SLC39A4: variants seen among roughly 807,000 people sequenced by gnomAD.
The protein encoded by SLC39A4 is zinc transporter ZIP4.
A neutral mutation model predicts 56.6 loss-of-function variants in SLC39A4; 49 were observed. That is an observed-to-expected ratio of 0.87 (90% CI 0.69 to 1.10). SLC39A4 has a LOEUF of 1.10. Among genes scored for constraint, SLC39A4 ranks in the 50% least tolerant of loss-of-function variants. The pLI, the probability that SLC39A4 is intolerant of heterozygous loss-of-function variation, is 0.00. For missense variants in SLC39A4, 993 were observed against 864.2 expected (o/e 1.15, Z -1.87); for synonymous variants, 540 against 420.4 (o/e 1.28, Z -3.48).
rs1163926081 is a variant in SLC39A4, at chr8:144,412,438, G to A, written c.*100C>T. 1 of 1,585,064 alleles carries A rather than the reference G, an allele frequency of 6.3e-7. No individual in the cohort carries two copies. Among genetic ancestry groups the A allele is most frequent in the Admixed American group, 1.7e-5 (1 of 59,728 alleles). On this transcript the variant is annotated 3_prime_UTR_variant, in exon 12 of 12. Transcript: ENST00000301305. Reference sequence around the variant, plus strand: ...CTCCAAGGACAAGAGTGTCTTTACTGGAGTTGGGACTGGGGCCTCTATAGG... The same window carrying A: ...CTCCAAGGACAAGAGTGTCTTTACTAGAGTTGGGACTGGGGCCTCTATAGG...
chr8:144,415,880 G>A lies in SLC39A4; in HGVS notation c.404C>T (p.Ala135Val). ...HLLALLESPK[A>V]LTPGLSWLLQ... is the part of the protein sequence containing the mutation. Reference sequence around the variant, plus strand: ...CAGCCAGCTCAGGCCCGGGGTCAGGGCCTTGGGGCTCTCGAGCAGGGCCAG... The same window carrying A: ...CAGCCAGCTCAGGCCCGGGGTCAGGACCTTGGGGCTCTCGAGCAGGGCCAG... The change falls in exon 2 of 12, where the codon GCC (alanine) becomes GTC (valine). Residue 135 changes from alanine (A) to valine (V), a missense_variant. Coordinates refer to ENST00000301305, the MANE Select transcript of SLC39A4 (RefSeq NM_130849.4). 1 of 1,597,622 alleles carries A rather than the reference G, an allele frequency of 6.3e-7. No individual in the cohort carries two copies. The highest frequency in any genetic ancestry group is 8.5e-7 in the Non-Finnish European group (1 of 1,175,336).
intron 2 of SLC39A4, 67 bp downstream of exon 2, chr8:144,415,743 G>A (rs1822152259): frequency 1.3e-6 from 2 of 1,502,282 alleles, no homozygotes; most frequent in South Asian, 1.3e-5. Context: ...TTTGCAGCCA[G>A]GCCGGGTCCC....
Position 144,415,931 on chromosome 8 carries a change from A to G in SLC39A4, c.353T>C (p.Leu118Pro). 6.3e-7 allele frequency: 1 copy of G among 1,595,984 alleles called. No individual in the cohort carries two copies. ...EGTCEDARAG[L>P]WASHADHLLA... is the part of the protein sequence containing the mutation. ...GAGGTGGTCTGCATGAGAGGCCCAG[A>G]GGCCAGCCCGAGCGTCCTCACAGGT... The change falls in exon 2 of 12, where the codon CTC becomes CCC. Residue 118 changes from leucine (L) to proline (P), a missense_variant. By Grantham distance (98) the Leu-to-Pro change is moderately conservative (BLOSUM62 -3). Transcript: ENST00000301305.
At position 144,413,248 on chromosome 8, in the gene SLC39A4, G is replaced by A. The variant is rs1821973284; in HGVS notation, c.1616C>T (p.Pro539Leu). The change falls in exon 10 of 12, where the codon CCA becomes CTA. Residue 539 changes from proline (P) to leucine (L), a missense_variant. Coordinates refer to ENST00000301305, the MANE Select transcript of SLC39A4 (RefSeq NM_130849.4). ...TSLAVFCHEL[P>L]HELGDFAALL... ...CCGCCTGCGCTCACCCAGCTCGTGTGGCAACTCGTGGCAGAACACGGCCAG... is the reference window on the plus strand; with the variant it reads ...CCGCCTGCGCTCACCCAGCTCGTGTAGCAACTCGTGGCAGAACACGGCCAG... 2 of 1,585,484 alleles carry A rather than the reference G, an allele frequency of 1.3e-6. No homozygotes were observed. Among genetic ancestry groups the A allele is most frequent in the Non-Finnish European group, 8.5e-7 (1 of 1,170,734 alleles).
In SLC39A4 at chr8:144,414,728, C is replaced by T; in HGVS notation, c.973G>A (p.Glu325Lys). ...CAATGTCGGCGTGGGCACTCACTCT[C>T]TGACTGGCTGAGCTGGTCCTGGACG... Reference protein sequence around the residue: ...PPVQDQLSQSERYLYGSLATL... With the variant: ...PPVQDQLSQSKRYLYGSLATL... The change falls in exon 5 of 12, where the codon GAG becomes AAG. Residue 325 changes from glutamate to lysine, a missense_variant. Transcript: ENST00000301305. 1.2e-6 allele frequency: 2 copies of T among 1,612,796 alleles called. No individual in the cohort carries two copies. The highest frequency in any genetic ancestry group is 4.5e-5 in the East Asian group (2 of 44,886).
At chr8:144,416,577 C>T (rs1554874076) in intron 1 of SLC39A4, 21 bp downstream of exon 1, 1 of 1,558,420 alleles carries the variant, frequency 6.4e-7, no homozygotes. Flanking sequence ...GGCTGGGGGA[C>T]CCGTCGGGTG....
At chr8:144,412,729 C>T (rs1554871885) in intron 11 of SLC39A4, 30 bp downstream of exon 11, 3 of 1,613,316 alleles carry the variant, frequency 1.9e-6, no homozygotes, top group Non-Finnish European at 2.5e-6. Flanking sequence ...GCTCCCGGCC[C>T]AGAGCAGCCC....
At chr8:144,414,176 G>T in intron 6 of SLC39A4, 81 bp from the exon 7 acceptor site, 1 of 1,571,078 alleles carries the variant, frequency 6.4e-7, no homozygotes, top group Admixed American at 1.9e-5. Flanking sequence ...TCAGGAGGTG[G>T]GGTGGGTAAG....
rs368517311 is a variant in SLC39A4 at position 144,416,105 on chromosome 8, C to A, written c.193-14G>T. ...CACAGACAGGCACTGTGGGCAGAGA[C>A]AAGTGAGCAGGGGCGCTGGGCCCAC... On this transcript the variant is annotated splice_polypyrimidine_tract_variant and intron_variant, in intron 1 of 11. Transcript: ENST00000301305. 6.2e-7 allele frequency: 1 copy of A among 1,601,054 alleles called. No homozygotes were observed. The highest frequency in any genetic ancestry group is 1.1e-5 in the South Asian group (1 of 89,426).
chr8:144,413,472 C>G (rs781848047), intron 9 of SLC39A4, 41 bp downstream of exon 9: 2 of 1,563,968 alleles, frequency 1.3e-6, no homozygotes, highest in Non-Finnish European at 1.7e-6. Context: ...CACACAAACC[C>G]CAGATCCCCC....
chr8:144,415,985 G>T lies in SLC39A4; in HGVS notation c.299C>A (p.Ala100Asp). The T allele has an allele frequency of 6.3e-7, 1 of 1,591,228 alleles. No homozygotes were observed. Among genetic ancestry groups the T allele is most frequent in the Non-Finnish European group, 8.5e-7 (1 of 1,170,490 alleles). Residue 100 changes from alanine to aspartate, a missense_variant, in exon 2 of 12, where the codon GCC (alanine) becomes GAC (aspartate). Coordinates refer to ENST00000301305, the MANE Select transcript of SLC39A4 (RefSeq NM_130849.4). Reference sequence around the variant, plus strand: ...CTCGGGGTTGCTGAGGTACAGGACGGCGGCGGCACTGAGGCGGGCGACGTA... The same window carrying T: ...CTCGGGGTTGCTGAGGTACAGGACGTCGGCGGCACTGAGGCGGGCGACGTA... Reference protein sequence around the residue: ...ARYVARLSAAAVLYLSNPEGT... With the variant: ...ARYVARLSAADVLYLSNPEGT...
Position 144,412,487 on chromosome 8 carries a change from G to A in SLC39A4, c.*51C>T. The A allele has an allele frequency of 6.2e-7, 1 of 1,613,884 alleles. No individual in the cohort carries two copies. Among genetic ancestry groups the A allele is most frequent in the Non-Finnish European group, 8.5e-7 (1 of 1,179,942 alleles). On this transcript the variant is annotated 3_prime_UTR_variant, in exon 12 of 12. Coordinates refer to ENST00000301305, the MANE Select transcript of SLC39A4 (RefSeq NM_130849.4). ...GGGGCTTCTGGTTTCTGGGCTGTAG[G>A]TTTGTGAGGTGTGGGATCTTAAGTC...
At chr8:144,413,921 A>T in intron 7 of SLC39A4, 37 bp downstream of exon 7, 1 of 1,610,406 alleles carries the variant, frequency 6.2e-7, no homozygotes, top group African/African-American at 1.3e-5. Flanking sequence ...GGCCCCCAGC[A>T]CACCCACCCG....
intron 10 of SLC39A4, 101 bp from the exon 11 acceptor site, chr8:144,413,047 TC>T: frequency 7.4e-6 from 11 of 1,492,658 alleles, no homozygotes; most frequent in South Asian, 1.2e-5. Flanking sequence ...GCCCACCTGT[TC>T]CCGGTCTCCC....
Position 144,415,339 on chromosome 8 carries a change from G to A in SLC39A4, c.555C>T (p.Ala185=), listed in dbSNP as rs782645641. 1.9e-6 allele frequency: 3 copies of A among 1,612,284 alleles called. No individual in the cohort carries two copies. In the South Asian group the frequency reaches 3.3e-5, roughly 18 times the overall value. Reference sequence around the variant, plus strand: ...ACCCGCTCCTGACATGGTCCAGCAGGGCAGCCAGGACGCCGCCAGCACTGC... The same window carrying A: ...ACCCGCTCCTGACATGGTCCAGCAGAGCAGCCAGGACGCCGCCAGCACTGC... ...APGSAGGVLA[A]LLDHVRSGSC... is the part of the protein sequence containing the mutation. Residue 185 remains alanine (A), a synonymous_variant, in exon 3 of 12, where the codon GCC becomes GCT. Transcript: ENST00000301305.
rs1554871786 is a variant in SLC39A4, at chr8:144,412,560, T to C, written c.1922A>G (p.Tyr641Cys). Reference protein sequence around the residue: ...GWTVLLLLSLYEDDITF With the variant: ...GWTVLLLLSLCEDDITF ...GTATCAGAAGGTGATGTCATCCTCG[T>C]ACAGGGACAGCAGCAGCAGGACGGT... Residue 641 changes from tyrosine to cysteine, a missense_variant, in exon 12 of 12, where the codon TAC becomes TGC. Coordinates refer to ENST00000301305, the MANE Select transcript of SLC39A4 (RefSeq NM_130849.4). 2 of 1,614,164 alleles carry C rather than the reference T, an allele frequency of 1.2e-6. No homozygotes were observed. The highest frequency in any genetic ancestry group is 1.7e-6 in the Non-Finnish European group (2 of 1,180,014).
In SLC39A4 at chr8:144,413,305, G is replaced by A. The variant is rs1554872271; in HGVS notation, c.1559C>T (p.Ala520Val). The A allele has an allele frequency of 6.2e-7, 1 of 1,602,956 alleles. No homozygotes were observed. Among genetic ancestry groups the A allele is most frequent in the Admixed American group, 1.7e-5 (1 of 59,556 alleles). Residue 520 changes from alanine to valine, a missense_variant, in exon 10 of 12, where the codon GCG becomes GTG. Transcript: ENST00000301305. ...ADGLAVGAAF[A>V]SSWKTGLATS... ...GGCCAGCCCGGTCTTCCAGGAGGACGCGAAGGCGGCGCCCACGGCCAGCCC... is the reference window on the plus strand; with the variant it reads ...GGCCAGCCCGGTCTTCCAGGAGGACACGAAGGCGGCGCCCACGGCCAGCCC...
At chr8:144,416,213 TCTCAA>T in intron 1 of SLC39A4, 122 bp from the exon 2 acceptor site, 1 of 1,590,034 alleles carries the variant, frequency 6.3e-7, no homozygotes, top group Non-Finnish European at 8.5e-7. Context: ...CACCATCCTC[TCTCAA>T]CCCCTGGCGC....
At chr8:144,415,190 G>T (rs377404544) in intron 3 of SLC39A4, 37 bp downstream of exon 3, 1 of 1,612,624 alleles carries the variant, frequency 6.2e-7, no homozygotes, top group Non-Finnish European at 8.5e-7. Flanking sequence ...CTGGGGACTC[G>T]GGGGTGCCCC....
Sources: allele counts gnomAD v4.1 joint callset, GRCh38; gene constraint gnomAD v4.1.1; transcripts MANE v1.5; gene names NCBI Gene and HGNC (gene_info 2026-07-23, HGNC 2026-07-21).